Variants in SYNPO2 observed in about 807,000 individuals in gnomAD.
The protein encoded by SYNPO2 is synaptopodin-2.
A neutral mutation model predicts 85.0 loss-of-function variants in SYNPO2; 56 were observed. The ratio of observed to expected loss-of-function variants is 0.66; its 90% confidence interval spans 0.53 to 0.82. The LOEUF (loss-of-function observed/expected upper bound fraction) is 0.82. Among genes scored for constraint, SYNPO2 ranks in the 40% least tolerant of loss-of-function variants. The pLI is 0.00. For synonymous variants in SYNPO2, 602 were observed against 591.1 expected (o/e 1.02, Z -0.27); for missense variants, 1,575 against 1,534.2 (o/e 1.03, Z -0.44).
At chr4:118,917,104 G>C (rs963308992) in intron 1 of SYNPO2, among the ~76,000 whole-genome samples, 1 of 152,066 alleles carries the variant, frequency 6.6e-6, no homozygotes, top group East Asian at 1.9e-4. Context: ...AAAACACAAA[G>C]AAACAGGCCA....
Position 119,030,929 on chromosome 4 carries a change from A to G in SYNPO2, c.2154A>G (p.Glu718=), listed in dbSNP as rs748841849. The G allele has an allele frequency of 6.2e-7, 1 of 1,614,230 alleles. No individual in the cohort carries two copies. The change falls in exon 4 of 5, where the codon GAA becomes GAG. Residue 718 remains glutamate (E), a synonymous_variant. Transcript: ENST00000307142. ...TCTTGTCACTCCTTCAAAATTCAGA[A>G]GGCAAACGGGGCACTGGAGCTGGAG... ...PELLSLLQNS[E]GKRGTGAGGD...
chr4:118,975,599 C>T (rs987297687), intron 1 of SYNPO2, among the ~76,000 whole-genome samples: 1 of 152,094 alleles, frequency 6.6e-6, no homozygotes, highest in Admixed American at 6.5e-5. Context: ...AAATTCCTGT[C>T]ATAGAAGAGC....
At chr4:118,967,413 A>G (rs970403193) in intron 1 of SYNPO2, among the ~76,000 whole-genome samples, 1 of 152,250 alleles carries the variant, frequency 6.6e-6, no homozygotes, top group African/African-American at 2.4e-5. Flanking sequence ...GTTATGCTTA[A>G]GAGCCAGCGT....
At chr4:119,036,750 A>G (rs948875288) in intron 4 of SYNPO2, 25 of 989,560 alleles carry the variant, frequency 2.5e-5, no homozygotes, top group Non-Finnish European at 3.0e-5. Context: ...TTTTTTAAAA[A>G]CTGTATGTTT....
At chr4:118,936,010 A>T (rs932690072) in intron 1 of SYNPO2, among the ~76,000 whole-genome samples, 4 of 152,160 alleles carry the variant, frequency 2.6e-5, no homozygotes, top group Non-Finnish European at 4.4e-5. Flanking sequence ...AGAGGCAGGC[A>T]CATGTGGTGT....
At chr4:118,942,653 G>A (rs908597068) in intron 1 of SYNPO2, among the ~76,000 whole-genome samples, 1 of 152,038 alleles carries the variant, frequency 6.6e-6, no homozygotes, top group African/African-American at 2.4e-5. Context: ...TCAGCCAATG[G>A]TTCTTTACTG....
intron 1 of SYNPO2, among the ~76,000 whole-genome samples, chr4:119,002,402 A>C (rs1391799840): frequency 6.6e-6 from 1 of 152,122 alleles, no homozygotes; most frequent in African/African-American, 2.4e-5. Flanking sequence ...TTGGGACTAC[A>C]GGTGCTTACC....
chr4:119,023,748 C>A (rs12642681), intron 2 of SYNPO2, among the ~76,000 whole-genome samples, 167 bp downstream of exon 2: 6,862 of 152,200 alleles, frequency 0.045, 382 homozygotes, highest in African/African-American at 0.13. Context: ...ATAGTCAATT[C>A]TAGTCAACCA....
chr4:118,856,207 C>T (rs148790100), intron 1 of SYNPO2, among the ~76,000 whole-genome samples: 57 of 152,282 alleles, frequency 3.7e-4, no homozygotes, highest in African/African-American at 1.1e-3. Flanking sequence ...GTAACATATT[C>T]GGTGCTCAGA....
chr4:118,914,241 T>C (rs999910563), intron 1 of SYNPO2, among the ~76,000 whole-genome samples: 3 of 152,286 alleles, frequency 2.0e-5, no homozygotes, highest in South Asian at 4.1e-4. Flanking sequence ...AAGTTATCTA[T>C]AGAGCATACA....
intron 1 of SYNPO2, among the ~76,000 whole-genome samples, chr4:118,958,978 A>G (rs1357119889): frequency 2.0e-5 from 3 of 152,180 alleles, no homozygotes; most frequent in Non-Finnish European, 1.5e-5. Context: ...CAATGTTTAC[A>G]TGGTAAGACA....
At chr4:118,887,741 T>C (rs1245039238), upstream of SYNPO2, among the ~76,000 whole-genome samples, 1 of 152,154 alleles carries the variant, frequency 6.6e-6, no homozygotes, top group Non-Finnish European at 1.5e-5. Flanking sequence ...GATGGTAAAA[T>C]TGGTTTTAAA....
intron 1 of SYNPO2, among the ~76,000 whole-genome samples, chr4:118,985,154 G>A (rs1248615874): frequency 2.0e-5 from 3 of 151,168 alleles, no homozygotes; most frequent in South Asian, 2.1e-4. Flanking sequence ...TACGTACACC[G>A]AAGCTTCAGA....
chr4:118,888,995 T>C lies in SYNPO2; in HGVS notation c.-42T>C, dbSNP rs1367622085. On this transcript the variant is annotated 5_prime_UTR_variant, in exon 1 of 5. Coordinates refer to ENST00000307142, the MANE Select transcript of SYNPO2 (RefSeq NM_133477.3). Reference sequence around the variant, plus strand: ...TCCTCTACCGCACCCAAGCTTCGTCTGTCTCGTCAAGCTCTTCATGCTGCC... The same window carrying C: ...TCCTCTACCGCACCCAAGCTTCGTCCGTCTCGTCAAGCTCTTCATGCTGCC... The C allele has an allele frequency of 1.9e-6, 3 of 1,602,714 alleles. No individual in the cohort carries two copies. The highest frequency in any genetic ancestry group is 2.6e-6 in the Non-Finnish European group (3 of 1,170,644).
chr4:118,926,948 A>C (rs1366155320), intron 1 of SYNPO2, among the ~76,000 whole-genome samples: 1 of 152,108 alleles, frequency 6.6e-6, no homozygotes, highest in Non-Finnish European at 1.5e-5. Context: ...GGTTAACGGG[A>C]TACTGAAGCA....
intron 1 of SYNPO2, among the ~76,000 whole-genome samples, chr4:118,873,193 C>T (rs986745940): frequency 3.9e-5 from 6 of 152,236 alleles, no homozygotes; most frequent in South Asian, 2.1e-4. Context: ...ATAATAATTT[C>T]GTTTCCTTTG....
At chr4:118,957,863 A>G (rs1320542844) in intron 1 of SYNPO2, among the ~76,000 whole-genome samples, 9 of 152,328 alleles carry the variant, frequency 5.9e-5, no homozygotes, top group Admixed American at 5.9e-4. Flanking sequence ...TTTCAGTCAC[A>G]ACGTGAAAAG....
chr4:118,949,567 C>A (rs537279374), intron 1 of SYNPO2, among the ~76,000 whole-genome samples: 7 of 150,046 alleles, frequency 4.7e-5, no homozygotes, highest in African/African-American at 1.2e-4. Flanking sequence ...CATGGTGAAA[C>A]CTGTCTCTAC....
intron 1 of SYNPO2, among the ~76,000 whole-genome samples, chr4:118,863,248 A>T (rs1731643610): frequency 1.3e-5 from 2 of 152,028 alleles, no homozygotes; most frequent in African/African-American, 4.8e-5. Flanking sequence ...TTGTCCTTTA[A>T]ATGTTTGATA....
Sources: gnomAD v4.1 joint callset for allele counts (sites outside exome capture counted in the v4.1 genomes callset) on GRCh38, gnomAD v4.1.1 for gene constraint, MANE v1.5 for transcripts, NCBI Gene and HGNC (gene_info 2026-07-23, HGNC 2026-07-21) for gene names.